COL25A1: variants seen among roughly 807,000 people sequenced by gnomAD.
COL25A1 encodes the protein collagen type XXV alpha 1 chain.
A neutral mutation model predicts 128.4 loss-of-function variants in COL25A1; 103 were observed. The ratio of observed to expected loss-of-function variants is 0.80; its 90% CI spans 0.68 to 0.94. COL25A1 has a LOEUF of 0.94. Among genes scored for constraint, COL25A1 ranks in the 40% least tolerant of loss-of-function variants. COL25A1 has a pLI of 0.00. For missense variants in COL25A1, 745 were observed against 840.0 expected, an observed-to-expected ratio of 0.89 and a Z score of 1.40; for synonymous variants, 279 against 277.2, an observed-to-expected ratio of 1.01 and a Z score of -0.06.
At chr4:109,264,671 T>C (rs1189396002) in intron 3 of COL25A1, among the ~76,000 whole-genome samples, 3 of 152,162 alleles carry the variant, frequency 2.0e-5, no homozygotes, top group African/African-American at 4.8e-5. Context: ...GAATGATAGA[T>C]TCAGTCTGAG....
At chr4:108,836,600 C>T (rs1733842594) in intron 31 of COL25A1, among the ~76,000 whole-genome samples, 1 of 152,082 alleles carries the variant, frequency 6.6e-6, no homozygotes, top group Non-Finnish European at 1.5e-5. Context: ...GTGAGTGTAT[C>T]ATTAGACTCT....
chr4:109,301,978 C>T lies in COL25A1; in HGVS notation c.42G>A (p.Glu14=). The T allele has an allele frequency of 6.2e-7, 1 of 1,607,366 alleles. No homozygotes were observed. Among genetic ancestry groups the T allele is most frequent in the Middle Eastern group, 1.7e-4 (1 of 5,936 alleles). The change falls in exon 2 of 38, where the codon GAG becomes GAA. Residue 14 remains glutamate (E), a synonymous_variant. Transcript: ENST00000399132. ...CAGGGGTCGGGTCCTCGGATCTGGG[C>T]TCCCGGCCCCCTCCTTTCCCTGCGT... is the stretch of plus-strand genomic sequence containing the variant. The part of the protein sequence containing the change: ...KKHAGKGGGR[E]PRSEDPTPAE...
intron 16 of COL25A1, among the ~76,000 whole-genome samples, chr4:108,892,089 T>C (rs888527689): frequency 2.4e-5 from 3 of 123,632 alleles, no homozygotes; most frequent in African/African-American, 8.1e-5. Context: ...AAGTTAAACA[T>C]TTTAAAGGAT....
intron 3 of COL25A1, among the ~76,000 whole-genome samples, chr4:109,179,794 G>C (rs2126143364): frequency 6.6e-6 from 1 of 152,308 alleles, no homozygotes; most frequent in Non-Finnish European, 1.5e-5. Context: ...TAGAGGTTTA[G>C]AGAGTTCTGT....
intron 3 of COL25A1, among the ~76,000 whole-genome samples, chr4:109,214,338 T>C (rs1386991988): frequency 6.6e-6 from 1 of 152,140 alleles, no homozygotes; most frequent in Non-Finnish European, 1.5e-5. Flanking sequence ...CTAGAGGCCA[T>C]ATAGACAGTG....
Position 109,218,240 on chromosome 4 carries a change from C to A in COL25A1, c.367+82343G>T, listed in dbSNP as rs117299753. ...ATGGTTTGTTATGTTTGACAAGATA[C>A]AATTTGGAAGCTTCACAATACTTTG... is the stretch of plus-strand genomic sequence containing the variant. On this transcript the variant is annotated intron_variant, in intron 3 of 37. Coordinates refer to ENST00000399132, the MANE Select transcript of COL25A1 (RefSeq NM_198721.4). Among the ~76,000 whole-genome samples, 1,144 of 151,392 alleles carry A rather than the reference C, an allele frequency of 7.6e-3. 56 individuals carry two copies. The South Asian group carries it at 0.14, about 18-fold the overall frequency.
At chr4:109,258,745 TA>T (rs1285889757) in intron 3 of COL25A1, among the ~76,000 whole-genome samples, 1 of 152,208 alleles carries the variant, frequency 6.6e-6, no homozygotes, top group Non-Finnish European at 1.5e-5. Flanking sequence ...CACTATGCTA[TA>T]ATCCCATTAA....
At chr4:108,846,308 G>T (rs574899904) in intron 27 of COL25A1, 89 bp from the exon 28 acceptor site, 1 of 837,342 alleles carries the variant, frequency 1.2e-6, no homozygotes, top group Non-Finnish European at 2.1e-6. Flanking sequence ...GATCAATTTC[G>T]TTAATAGGTG....
chr4:109,178,716 G>A lies in COL25A1; in HGVS notation c.367+121867C>T, dbSNP rs185697238. On this transcript the variant is annotated intron_variant, in intron 3 of 37. Coordinates refer to ENST00000399132, the MANE Select transcript of COL25A1 (RefSeq NM_198721.4). ...CAGGTGTGGTGGCGGGCGCCTGTAG[G>A]CCCAGCTACTCAGGAAGCTGAGGCA... Among the ~76,000 whole-genome samples the A allele has an allele frequency of 1.6e-3, 239 of 151,286 alleles. 1 individual carries two copies. The highest frequency in any genetic ancestry group is 5.4e-3 in the African/African-American group (222 of 41,218).
chr4:108,888,487 T>G (rs1002442508), intron 18 of COL25A1, among the ~76,000 whole-genome samples: 1 of 152,212 alleles, frequency 6.6e-6, no homozygotes, highest in South Asian at 2.1e-4. Context: ...TGTATGGGCA[T>G]TGATATCCAA....
Position 109,115,892 on chromosome 4 carries a change from T to C in COL25A1, c.368-65713A>G, listed in dbSNP as rs549699665. 2.0e-5 allele frequency among the ~76,000 whole-genome samples: 3 copies of C among 152,118 alleles called. No homozygotes were observed. The South Asian group carries it at 6.2e-4, about 32-fold the overall frequency. ...CTGCACATGAAACACCCCCTGCACC[T>C]ACCATGTATCCTAGAGGTGACCCCT... On this transcript the variant is annotated intron_variant, in intron 3 of 37. Coordinates refer to ENST00000399132, the MANE Select transcript of COL25A1 (RefSeq NM_198721.4).
chr4:109,259,690 CAATTT>C (rs1483275569), intron 3 of COL25A1, among the ~76,000 whole-genome samples: 1 of 152,178 alleles, frequency 6.6e-6, no homozygotes, highest in Non-Finnish European at 1.5e-5. Context: ...CCAAAAGCAT[CAATTT>C]AAACATGTAA....
At chr4:109,013,196 T>C (rs150207337) in intron 5 of COL25A1, among the ~76,000 whole-genome samples, 2,372 of 152,166 alleles carry the variant, frequency 0.016, 56 homozygotes, top group East Asian at 0.13. Flanking sequence ...CACCAATCAG[T>C]GCTCTGTGTC....
rs146878763 is a variant in COL25A1, at chr4:109,235,960, C to G, written c.367+64623G>C. ...CTGTGACACAGATTCTTCTATACTT[C>G]TCCACACCCCATAGTAATTAGGCAC... On this transcript the variant is annotated intron_variant, in intron 3 of 37. Coordinates refer to ENST00000399132, the MANE Select transcript of COL25A1 (RefSeq NM_198721.4). 3.9e-4 allele frequency among the ~76,000 whole-genome samples: 60 copies of G among 152,164 alleles called. 1 individual carries two copies. Among genetic ancestry groups the G allele is most frequent in the African/African-American group, 1.4e-3 (58 of 41,536 alleles).
rs111655220 is a variant in COL25A1 at position 109,035,408 on chromosome 4, C to T, written c.420+12760G>A. 5.8e-3 allele frequency among the ~76,000 whole-genome samples: 877 copies of T among 152,116 alleles called. 4 individuals carry two copies. The highest frequency in any genetic ancestry group is 0.01 in the Non-Finnish European group (693 of 67,980). ...GTACTTAAGAGCAATAGTTTGAGCT[C>T]CTGTTAGTATAAAGAGAAAGGAGAC... On this transcript the variant is annotated intron_variant, in intron 5 of 37. Coordinates refer to ENST00000399132, the MANE Select transcript of COL25A1 (RefSeq NM_198721.4).
chr4:108,979,823 T>A (rs1336194413), intron 6 of COL25A1, among the ~76,000 whole-genome samples: 1 of 152,122 alleles, frequency 6.6e-6, no homozygotes, highest in African/African-American at 2.4e-5. Flanking sequence ...GTAAATATAA[T>A]CACAATCAGT....
rs1469192506 is a variant in COL25A1, at chr4:108,810,085, T to C, written c.*3842A>G. On this transcript the variant is annotated 3_prime_UTR_variant, in exon 38 of 38. Transcript: ENST00000399132. Reference sequence around the variant, plus strand: ...TTGCTTATGATCACTTATTAGAAGATGTTAAAACACCACCAAAGTATAGCC... The same window carrying C: ...TTGCTTATGATCACTTATTAGAAGACGTTAAAACACCACCAAAGTATAGCC... 3 of 151,862 alleles carry C rather than the reference T, an allele frequency of 2.0e-5. No homozygotes were observed. The highest frequency in any genetic ancestry group is 4.4e-5 in the Non-Finnish European group (3 of 67,824). The allele number at this position is 151,862 out of a possible 1,614,324, so 9.4% of individuals were successfully genotyped here.
chr4:109,028,748 A>T (rs1471687723), intron 5 of COL25A1, among the ~76,000 whole-genome samples: 1 of 152,086 alleles, frequency 6.6e-6, no homozygotes, highest in African/African-American at 2.4e-5. Context: ...AAAGAAAAAG[A>T]AAAGAAAAGA....
rs142442175 is a variant in COL25A1 at position 108,866,822 on chromosome 4, G to A, written c.1083+2266C>T. 2.2e-3 allele frequency among the ~76,000 whole-genome samples: 332 copies of A among 152,240 alleles called. 2 individuals carry two copies. Among genetic ancestry groups the A allele is most frequent in the African/African-American group, 7.7e-3 (318 of 41,510 alleles). ...CAAATTAGATATTTCAAATAATACC[G>A]ATGATGTGTGTATATGTGTGCACAT... On this transcript the variant is annotated intron_variant, in intron 20 of 37. Coordinates refer to ENST00000399132, the MANE Select transcript of COL25A1 (RefSeq NM_198721.4).
Sources: allele counts gnomAD v4.1 joint callset (sites outside exome capture counted in the v4.1 genomes callset), GRCh38; gene constraint gnomAD v4.1.1; transcripts MANE v1.5; gene names NCBI Gene and HGNC (gene_info 2026-07-23, HGNC 2026-07-21).